The following KCNK10 variants were observed in gnomAD, a reference collection of about 807,000 sequenced individuals.
The protein encoded by KCNK10 is potassium two pore domain channel subfamily K member 10, also known as potassium channel subfamily K member 10.
In KCNK10, 25 loss-of-function variants were observed where a neutral mutation model predicts 47.7. The observed-to-expected ratio is 0.52, with a 90% confidence interval of 0.38 to 0.73. KCNK10 has a LOEUF of 0.73. Ranked by LOEUF, KCNK10 falls within the 30% of genes least tolerant of loss-of-function variation. The pLI, the probability that KCNK10 is intolerant of heterozygous loss-of-function variation, is 0.00. For synonymous variants in KCNK10, 303 were observed against 285.6 expected (o/e 1.06, Z -0.61); for missense variants, 563 against 714.5 (o/e 0.79, Z 2.42).
intron 4 of KCNK10, among the ~76,000 whole-genome samples, chr14:88,195,646 G>A (rs1342376137): frequency 6.6e-6 from 1 of 152,058 alleles, no homozygotes; most frequent in Non-Finnish European, 1.5e-5. Context: ...TCAGACAGTC[G>A]CAGCTCACAA....
At chr14:88,233,694 T>C (rs750038246) in intron 3 of KCNK10, among the ~76,000 whole-genome samples, 3 of 152,206 alleles carry the variant, frequency 2.0e-5, no homozygotes, top group Non-Finnish European at 4.4e-5. Flanking sequence ...ATTAGGCAGA[T>C]GGAGCCACCA....
At chr14:88,319,324 CT>C (rs1251331192) in intron 1 of KCNK10, among the ~76,000 whole-genome samples, 3 of 152,322 alleles carry the variant, frequency 2.0e-5, no homozygotes, top group African/African-American at 7.2e-5. Flanking sequence ...ATAATTACAA[CT>C]GCCTTCCAGA....
chr14:88,318,064 C>T lies in KCNK10; in HGVS notation c.52+4683G>A, dbSNP rs987261791. Among the ~76,000 whole-genome samples, 7 of 152,196 alleles carry T rather than the reference C, an allele frequency of 4.6e-5. No individual in the cohort carries two copies. In the East Asian group the frequency reaches 9.6e-4, roughly 21 times the overall value. ...CAGCCTTCTTACTTCGGGTCAAAGA[C>T]GAGAAAAGAAGGAAAACAGCGCACT... On this transcript the variant is annotated intron_variant, in intron 1 of 6. Transcript: ENST00000319231.
intron 1 of KCNK10, among the ~76,000 whole-genome samples, chr14:88,301,894 A>G (rs1362851426): frequency 2.0e-5 from 3 of 152,198 alleles, no homozygotes; most frequent in African/African-American, 7.2e-5. Context: ...AATCAGATTC[A>G]TATTTTTAAA....
chr14:88,280,271 T>A (rs1887620954), intron 1 of KCNK10, among the ~76,000 whole-genome samples: 1 of 152,164 alleles, frequency 6.6e-6, no homozygotes, highest in South Asian at 2.1e-4. Context: ...AAAAGCTCCC[T>A]GCTTACAGCC....
intron 3 of KCNK10, among the ~76,000 whole-genome samples, chr14:88,239,356 G>A (rs1886386049): frequency 6.6e-6 from 1 of 152,218 alleles, no homozygotes; most frequent in Admixed American, 6.5e-5. Context: ...TGCCTTATAT[G>A]TAATAGCTGA....
chr14:88,242,560 C>T (rs1004148136), intron 2 of KCNK10, among the ~76,000 whole-genome samples: 1 of 152,174 alleles, frequency 6.6e-6, no homozygotes, highest in African/African-American at 2.4e-5. Context: ...TTATGCAAGA[C>T]CGCAGCCGGC....
At chr14:88,285,477 T>G (rs1243632950) in intron 1 of KCNK10, among the ~76,000 whole-genome samples, 5 of 152,196 alleles carry the variant, frequency 3.3e-5, no homozygotes, top group Non-Finnish European at 2.9e-5. Flanking sequence ...AGAGACTAGT[T>G]AATTGAAAGC....
intron 2 of KCNK10, among the ~76,000 whole-genome samples, chr14:88,254,467 C>G (rs1886889922): frequency 6.6e-6 from 1 of 152,158 alleles, no homozygotes; most frequent in South Asian, 2.1e-4. Flanking sequence ...CCTGAAGACA[C>G]TCAAAATCTT....
intron 1 of KCNK10, among the ~76,000 whole-genome samples, chr14:88,318,736 A>G (rs1385117989): frequency 6.6e-6 from 1 of 152,204 alleles, no homozygotes; most frequent in Non-Finnish European, 1.5e-5. Context: ...AAAGTCAGAG[A>G]GGTAGACAAA....
chr14:88,190,633 A>G (rs1884713750), intron 5 of KCNK10, among the ~76,000 whole-genome samples: 1 of 152,108 alleles, frequency 6.6e-6, no homozygotes, highest in Non-Finnish European at 1.5e-5. Context: ...ATTTTTAGTT[A>G]AAAGCTAAAA....
chr14:88,249,039 C>T (rs532719056), intron 2 of KCNK10, among the ~76,000 whole-genome samples: 42 of 152,240 alleles, frequency 2.8e-4, no homozygotes, highest in East Asian at 9.6e-4. Flanking sequence ...CTATCTTCCA[C>T]GAATAGTTCT....
In KCNK10 at chr14:88,185,871, C is replaced by T. The variant is rs750081641; in HGVS notation, c.1296G>A (p.Gly432=). ...GCCCATGCTTGTTCAGCTGCTCCGGCCCCTTCAGGCGCAGGTTGTTGGGCC... is the reference window on the plus strand; with the variant it reads ...GCCCATGCTTGTTCAGCTGCTCCGGTCCCTTCAGGCGCAGGTTGTTGGGCC... ...NNRPNNLRLK[G]PEQLNKHGQG... The change falls in exon 7 of 7, where the codon GGG becomes GGA. Residue 432 remains glycine (G), a synonymous_variant. Transcript: ENST00000319231. This position sits in a 1 kb window ranked among gnomAD's most constrained non-coding sequence, Gnocchi z 4.3. 1 of 1,614,126 alleles carries T rather than the reference C, an allele frequency of 6.2e-7. No individual in the cohort carries two copies. The highest frequency in any genetic ancestry group is 1.1e-5 in the South Asian group (1 of 91,070).
Position 88,184,399 on chromosome 14 carries a change from C to A in KCNK10, c.*1136G>T, listed in dbSNP as rs1406680490. On this transcript the variant is annotated 3_prime_UTR_variant, in exon 7 of 7. Transcript: ENST00000319231. The stretch of plus-strand genomic sequence containing the variant: ...AATGGAATTAATGGCACTTACGCTG[C>A]AAGCAATAAAAACATTTCAAGCTTA... 1 of 152,328 alleles carries A rather than the reference C, an allele frequency of 6.6e-6. No homozygotes were observed. The highest frequency in any genetic ancestry group is 1.5e-5 in the Non-Finnish European group (1 of 68,036). 9.4% of individuals were successfully genotyped at this position (152,328 alleles called of 1,614,324 possible). A position where few individuals can be genotyped will look rare whatever the true frequency, so the allele number is the denominator to read the frequency against.
At chr14:88,192,136 C>T in intron 5 of KCNK10, 88 bp downstream of exon 5, 1 of 1,285,872 alleles carries the variant, frequency 7.8e-7, no homozygotes, top group Non-Finnish European at 1.1e-6. Context: ...GCTTCTCCCG[C>T]AACATCTTTT....
chr14:88,228,946 A>G (rs185054781), intron 3 of KCNK10, among the ~76,000 whole-genome samples: 145 of 152,306 alleles, frequency 9.5e-4, no homozygotes, highest in African/African-American at 3.4e-3. Context: ...CATTTTTCCA[A>G]GAATACCCCT....
At chr14:88,266,505 G>A (rs977494670) in intron 1 of KCNK10, among the ~76,000 whole-genome samples, 2 of 152,218 alleles carry the variant, frequency 1.3e-5, no homozygotes, top group Non-Finnish European at 2.9e-5. Context: ...CTTGGAGTCA[G>A]AAAGTTCATC....
At chr14:88,315,061 C>T (rs1458248380) in intron 1 of KCNK10, among the ~76,000 whole-genome samples, 2 of 152,304 alleles carry the variant, frequency 1.3e-5, no homozygotes, top group Non-Finnish European at 1.5e-5. Flanking sequence ...GCCCTAGAAA[C>T]CAGGTCTCCT....
At chr14:88,271,500 C>A (rs1343311868) in intron 1 of KCNK10, among the ~76,000 whole-genome samples, 1 of 152,146 alleles carries the variant, frequency 6.6e-6, no homozygotes. Context: ...AGTGGACAGA[C>A]AAGAGACAGG....
Sources: gnomAD v4.1 joint callset for allele counts (sites outside exome capture counted in the v4.1 genomes callset) on GRCh38, gnomAD v4.1.1 for gene constraint, Gnocchi (gnomAD v3.1) non-coding constraint, MANE v1.5 for transcripts, NCBI Gene and HGNC (gene_info 2026-07-23, HGNC 2026-07-21) for gene names.